MTAP: variants seen among roughly 807,000 people sequenced by gnomAD.
MTAP encodes the protein S-methyl-5'-thioadenosine phosphorylase.
MTAP carries 33 observed loss-of-function variants against 33.6 expected under a neutral mutation model. The observed-to-expected ratio is 0.98, with a 90% CI of 0.74 to 1.31. MTAP has a LOEUF of 1.31. MTAP is among the 40% of genes most tolerant of loss of function. MTAP has a pLI of 0.00. For missense variants in MTAP, 367 were observed against 360.0 expected (o/e 1.02, Z -0.16); for synonymous variants, 148 against 125.7 (o/e 1.18, Z -1.19).
chr9:21,802,701 C>T lies in MTAP; in HGVS notation c.-48C>T, dbSNP rs371835312. ...CACCGCTCTGTGGCTCGCTTGGTTC[C>T]CTTAGTCCCGAGCGCTCGCCCACTG... is the stretch of plus-strand genomic sequence containing the variant. On this transcript the variant is annotated 5_prime_UTR_variant, in exon 1 of 8. Coordinates refer to ENST00000644715, the MANE Select transcript of MTAP (RefSeq NM_002451.4). The T allele has an allele frequency of 3.1e-5, 50 of 1,596,386 alleles. 1 individual carries two copies. The highest frequency in any genetic ancestry group is 4.2e-5 in the Non-Finnish European group (49 of 1,172,236).
chr9:21,803,036 A>ACACACACACACACACACG lies in MTAP; in HGVS notation c.33+256_33+257insACACACACACACACACGC, dbSNP rs1020757334. 1.2e-5 allele frequency: 12 copies of ACACACACACACACACACG among 1,039,924 alleles called. No individual in the cohort carries two copies. The African/African-American group carries it at 1.8e-4, about 16-fold the overall frequency. 64.4% of individuals were successfully genotyped at this position (1,039,924 alleles called of 1,614,324 possible). On this transcript the variant is annotated intron_variant, in intron 1 of 7. Coordinates refer to ENST00000644715, the MANE Select transcript of MTAP (RefSeq NM_002451.4). ...CACACACACACACACACACACACAC[A>ACACACACACACACACACG]CCACCTTTTGGCTTATCTGCACCCG... is the stretch of plus-strand genomic sequence containing the variant.
At chr9:21,901,247 A>G (rs753622891) in intron 1 of MTAP, among the ~76,000 whole-genome samples, 1 of 152,254 alleles carries the variant, frequency 6.6e-6, no homozygotes, top group Non-Finnish European at 1.5e-5. Context: ...AGAGGTCTTC[A>G]TAGATGGAAA....
chr9:21,898,996 A>G (rs575812888), intron 1 of MTAP, among the ~76,000 whole-genome samples: 44 of 152,214 alleles, frequency 2.9e-4, no homozygotes, highest in African/African-American at 1.0e-3. Flanking sequence ...ATGTCCATCA[A>G]CAATAGACCT....
At chr9:21,930,276 G>C (rs960295471) in intron 1 of MTAP, 11 of 229,096 alleles carry the variant, frequency 4.8e-5, no homozygotes, top group Admixed American at 3.5e-4. Context: ...GTCATCCTTG[G>C]TATTTTTGGG....
intron 1 of MTAP, among the ~76,000 whole-genome samples, chr9:21,896,931 AAAG>A: frequency 6.6e-6 from 1 of 152,210 alleles, no homozygotes; most frequent in African/African-American, 2.4e-5. Context: ...CACAACAAAA[AAAG>A]AATTTTAAAC....
exon 2 of MTAP, chr9:21,931,027 T>G (rs371711818): frequency 3.9e-6 from 3 of 763,832 alleles, no homozygotes; most frequent in Non-Finnish European, 7.2e-6. Flanking sequence ...TTCCAGATGA[T>G]CCTCAGTGAG....
At position 21,862,719 on chromosome 9, in the gene MTAP, T is replaced by C. The variant is rs947821351; in HGVS notation, c.*705T>C. The C allele has an allele frequency of 7.0e-5, 11 of 157,482 alleles. No homozygotes were observed. The highest frequency in any genetic ancestry group is 5.9e-4 in the Admixed American group (9 of 15,260). The allele number at this position is 157,482 out of a possible 1,614,324, so 9.8% of individuals were successfully genotyped here. A position where few individuals can be genotyped will look rare whatever the true frequency, so the allele number is the denominator to read the frequency against. The stretch of plus-strand genomic sequence containing the variant: ...AGACACGGTTGCTCTATATATGAAG[T>C]GAAAAAAGGATATGGTAGCATTTTA... On this transcript the variant is annotated 3_prime_UTR_variant, in exon 8 of 8. Coordinates refer to ENST00000644715, the MANE Select transcript of MTAP (RefSeq NM_002451.4).
At position 21,865,320 on chromosome 9, in the gene MTAP, C is replaced by T. The variant is rs955546017; in HGVS notation, c.*3306C>T. 1.5e-5 allele frequency: 9 copies of T among 586,884 alleles called. No homozygotes were observed. The highest frequency in any genetic ancestry group is 6.1e-5 in the African/African-American group (3 of 49,346). 36.4% of individuals were successfully genotyped at this position (586,884 alleles called of 1,614,324 possible). The stretch of plus-strand genomic sequence containing the variant: ...GACGTGTTTGTTTCCCCTTCTGCCA[C>T]GATTGTAAGTTTCCTGAGGCCTTCC... On this transcript the variant is annotated 3_prime_UTR_variant, in exon 8 of 8. Transcript: ENST00000644715.
intron 1 of MTAP, among the ~76,000 whole-genome samples, chr9:21,907,766 TCTTACCACC>T (rs1818498871): frequency 6.6e-6 from 1 of 152,118 alleles, no homozygotes; most frequent in Non-Finnish European, 1.5e-5. Context: ...TTTCCTTTAC[TCTTACCACC>T]CAGAGAAAAT....
intron 1 of MTAP, among the ~76,000 whole-genome samples, chr9:21,876,762 C>T (rs1202437880): frequency 6.6e-6 from 1 of 152,052 alleles, no homozygotes; most frequent in Non-Finnish European, 1.5e-5. Flanking sequence ...GTTTTGGTTA[C>T]TGCAGTTTGG....
rs797007621 is a variant in MTAP at position 21,884,856 on chromosome 9, C to T, written c.147+29986C>T. Among the ~76,000 whole-genome samples the T allele has an allele frequency of 2.0e-4, 30 of 152,246 alleles. 1 individual carries two copies. Among genetic ancestry groups the T allele is most frequent in the African/African-American group, 5.8e-4 (24 of 41,542 alleles). ...TAAAATTGCATGATTCCCTTTATAT[C>T]AAGTCCCCAACTAGGCAAAACTAAA... On this transcript the variant is annotated intron_variant, in intron 1 of 1. Coordinates refer to the MTAP transcript ENST00000577563.
intron 1 of MTAP, among the ~76,000 whole-genome samples, chr9:21,899,670 C>T (rs1375891255): frequency 3.3e-5 from 5 of 152,116 alleles, no homozygotes; most frequent in Admixed American, 6.5e-5. Context: ...TCTTGTGAGA[C>T]TCACTCATTG....
At chr9:21,940,841 T>C (rs1294560958), downstream of MTAP, 2 of 188,554 alleles carry the variant, frequency 1.1e-5, no homozygotes, top group Non-Finnish European at 2.0e-5. Flanking sequence ...GGAGGTTTTA[T>C]TACATAGGTA....
intron 1 of MTAP, chr9:21,929,616 A>T: frequency 3.1e-6 from 1 of 326,516 alleles, no homozygotes; most frequent in East Asian, 6.6e-5. Flanking sequence ...CTAAAACACC[A>T]GGGAGAGCTT....
At chr9:21,898,789 T>C (rs1037722180) in intron 1 of MTAP, among the ~76,000 whole-genome samples, 1 of 152,196 alleles carries the variant, frequency 6.6e-6, no homozygotes, top group Non-Finnish European at 1.5e-5. Context: ...TTGGTGGGAC[T>C]GTAAACTAGT....
intron 1 of MTAP, 151 bp downstream of exon 1, chr9:21,802,932 C>T (rs1284607691): frequency 4.2e-6 from 6 of 1,428,578 alleles, no homozygotes; most frequent in Non-Finnish European, 5.4e-6. Context: ...TCGGGACTCA[C>T]TTGCCGCGCG....
chr9:21,924,078 G>A (rs531436408), intron 1 of MTAP, among the ~76,000 whole-genome samples: 1 of 152,298 alleles, frequency 6.6e-6, no homozygotes, highest in South Asian at 2.1e-4. Flanking sequence ...GTTCACTTGG[G>A]TATTTCCTCT....
At chr9:21,847,705 G>T (rs1825416445) in intron 5 of MTAP, among the ~76,000 whole-genome samples, 1 of 152,174 alleles carries the variant, frequency 6.6e-6, no homozygotes, top group African/African-American at 2.4e-5. Flanking sequence ...AGAAAATAAT[G>T]AACTCAGGGA....
At chr9:21,841,848 T>C (rs1825255114) in intron 5 of MTAP, among the ~76,000 whole-genome samples, 1 of 152,294 alleles carries the variant, frequency 6.6e-6, no homozygotes, top group South Asian at 2.1e-4. Context: ...AAAGCAATTC[T>C]GGTAATATGA....
Sources: allele counts gnomAD v4.1 joint callset (sites outside exome capture counted in the v4.1 genomes callset), GRCh38; gene constraint gnomAD v4.1.1; transcripts MANE v1.5; gene names NCBI Gene and HGNC (gene_info 2026-07-23, HGNC 2026-07-21).